ABLIM1: variants seen among roughly 807,000 people sequenced by gnomAD.
The protein encoded by ABLIM1 is actin-binding LIM protein 1.
ABLIM1 carries 40 observed loss-of-function variants against 107.0 expected under a neutral mutation model. The ratio of observed to expected loss-of-function variants is 0.37; its 90% CI spans 0.29 to 0.49. The LOEUF (loss-of-function observed/expected upper bound fraction) is 0.49. Ranked by LOEUF, ABLIM1 falls within the 20% of genes least tolerant of loss-of-function variation. The probability of loss-of-function intolerance (pLI) is 0.97; values close to 1 mark genes in which losing one functional copy is unlikely to be tolerated. For synonymous variants in ABLIM1, 357 were observed against 357.3 expected, an observed-to-expected ratio of 1.00 and a Z score of 0.01; for missense variants, 857 against 1,008.5, an observed-to-expected ratio of 0.85 and a Z score of 2.04.
At chr10:114,545,943 C>CAA (rs35262022) in intron 5 of ABLIM1, among the ~76,000 whole-genome samples, 94 of 122,400 alleles carry the variant, frequency 7.7e-4, no homozygotes, top group South Asian at 4.4e-3. Flanking sequence ...AAAAAAAAAA[C>CAA]AAAAAAAAAA....
intron 8 of ABLIM1, among the ~76,000 whole-genome samples, chr10:114,479,393 C>G (rs955680332): frequency 3.9e-5 from 6 of 152,190 alleles, no homozygotes; most frequent in African/African-American, 1.2e-4. Flanking sequence ...TCCTTCCCAT[C>G]AGAACTCAGA....
chr10:114,502,423 T>C (rs2060555130), intron 6 of ABLIM1: 1 of 152,210 alleles, frequency 6.6e-6, no homozygotes, highest in Non-Finnish European at 1.5e-5. Context: ...ACAAGGTAGG[T>C]AGAAAGTCTG....
upstream of ABLIM1, among the ~76,000 whole-genome samples, chr10:114,768,921 A>G (rs191852065): frequency 7.9e-5 from 12 of 152,266 alleles, no homozygotes; most frequent in Admixed American, 3.3e-4. Context: ...AGGTTTATCA[A>G]CTAGCGCTTG....
intron 1 of ABLIM1, among the ~76,000 whole-genome samples, chr10:114,683,375 C>T (rs1256191157): frequency 2.0e-5 from 3 of 152,200 alleles, no homozygotes; most frequent in Admixed American, 1.3e-4. Flanking sequence ...TGCTCATTTA[C>T]AGGAGAAAAC....
chr10:114,701,495 T>A (rs2081306577), intron 1 of ABLIM1, among the ~76,000 whole-genome samples: 1 of 152,150 alleles, frequency 6.6e-6, no homozygotes, highest in South Asian at 2.1e-4. Flanking sequence ...TTCATATTAG[T>A]AAATAGCTAT....
At chr10:114,559,840 G>T (rs1307863272) in intron 4 of ABLIM1, among the ~76,000 whole-genome samples, 1 of 152,176 alleles carries the variant, frequency 6.6e-6, no homozygotes, top group Non-Finnish European at 1.5e-5. Flanking sequence ...CTACCAGCAG[G>T]CTAAGCAATG....
chr10:114,672,589 T>C (rs1256351279), intron 1 of ABLIM1, among the ~76,000 whole-genome samples: 1 of 152,220 alleles, frequency 6.6e-6, no homozygotes, highest in African/African-American at 2.4e-5. Flanking sequence ...CCTATTCATG[T>C]TCTTAATGAT....
intron 2 of ABLIM1, among the ~76,000 whole-genome samples, chr10:114,591,985 A>G (rs1199547552): frequency 6.6e-6 from 1 of 152,174 alleles, no homozygotes; most frequent in Non-Finnish European, 1.5e-5. Context: ...AATGATAAAC[A>G]TTTCAATCAT....
intron 1 of ABLIM1, among the ~76,000 whole-genome samples, chr10:114,602,294 T>C (rs919443301): frequency 1.1e-4 from 17 of 152,252 alleles, no homozygotes; most frequent in African/African-American, 3.6e-4. Context: ...ACTTGTAATA[T>C]GCCTTTATAT....
chr10:114,632,441 T>C, intron 1 of ABLIM1: 1 of 985,464 alleles, frequency 1.0e-6, no homozygotes, highest in African/African-American at 1.7e-5. Flanking sequence ...CTTTCAATTT[T>C]TACTACGGCT....
At chr10:114,449,137 T>C (rs1485759329) in intron 14 of ABLIM1, among the ~76,000 whole-genome samples, 3 of 152,198 alleles carry the variant, frequency 2.0e-5, no homozygotes, top group Non-Finnish European at 4.4e-5. Flanking sequence ...AAAGTTCTTA[T>C]TGGCTATGCT....
At chr10:114,767,232 T>C (rs763978086) in intron 1 of ABLIM1, among the ~76,000 whole-genome samples, 6 of 152,172 alleles carry the variant, frequency 3.9e-5, no homozygotes, top group Non-Finnish European at 8.8e-5. Flanking sequence ...CTCTTACAGG[T>C]TGCCTTCAGG....
chr10:114,539,787 G>A (rs1365413958), intron 6 of ABLIM1, among the ~76,000 whole-genome samples: 1 of 152,078 alleles, frequency 6.6e-6, no homozygotes, highest in African/African-American at 2.4e-5. Flanking sequence ...CCAAAGAGAT[G>A]CCCCACTCCC....
At chr10:114,764,295 A>C (rs182745626) in intron 1 of ABLIM1, among the ~76,000 whole-genome samples, 53 of 152,384 alleles carry the variant, frequency 3.5e-4, no homozygotes, top group Non-Finnish European at 6.8e-4. Flanking sequence ...TAGCTTGAAT[A>C]GAGAACTGGA....
At chr10:114,440,881 T>C in intron 19 of ABLIM1, 136 bp downstream of exon 19, 1 of 872,934 alleles carries the variant, frequency 1.1e-6, no homozygotes, top group Non-Finnish European at 1.9e-6. Context: ...AATTGCCCTA[T>C]TAGCTCACAG....
the ABLIM1 span, among the ~76,000 whole-genome samples, chr10:114,791,479 A>C: frequency 6.6e-6 from 1 of 152,122 alleles, no homozygotes; most frequent in Admixed American, 6.6e-5. Context: ...TCTACTAAAA[A>C]TACAAAAAAT....
intron 19 of ABLIM1, 28 bp from the exon 20 acceptor site, chr10:114,440,117 A>G (rs999773060): frequency 6.3e-7 from 1 of 1,597,602 alleles, no homozygotes; most frequent in Non-Finnish European, 8.6e-7. Context: ...AGAAAATATC[A>G]TAAGGGAAAG....
intron 1 of ABLIM1, chr10:114,690,494 C>T: frequency 6.5e-7 from 1 of 1,546,246 alleles, no homozygotes; most frequent in South Asian, 1.1e-5. Context: ...AGCGGGAGCC[C>T]TTACAACCAA....
intron 1 of ABLIM1, among the ~76,000 whole-genome samples, chr10:114,653,408 G>T (rs940302627): frequency 6.6e-6 from 1 of 152,100 alleles, no homozygotes; most frequent in Non-Finnish European, 1.5e-5. Context: ...GCCAGGCCTG[G>T]TAGCATGCGC....
Sources: allele counts gnomAD v4.1 joint callset (sites outside exome capture counted in the v4.1 genomes callset), GRCh38; gene constraint gnomAD v4.1.1; transcripts MANE v1.5; gene names NCBI Gene and HGNC (gene_info 2026-07-23, HGNC 2026-07-21).